Variants in ST8SIA1 observed in about 807,000 individuals in gnomAD.
The protein encoded by ST8SIA1 is alpha-N-acetylneuraminide alpha-2,8-sialyltransferase.
Under a neutral mutation model 35.9 loss-of-function variants are expected in ST8SIA1, and 16 were observed. That is an observed-to-expected ratio of 0.45 (90% confidence interval 0.30 to 0.68). ST8SIA1 has a LOEUF of 0.68. Ranked by LOEUF, ST8SIA1 falls within the 30% of genes least tolerant of loss-of-function variation. The probability of loss-of-function intolerance (pLI) is 0.09; values close to 1 mark genes in which losing one functional copy is unlikely to be tolerated. For synonymous variants in ST8SIA1, 170 were observed against 169.6 expected, an observed-to-expected ratio of 1.00 and a Z score of -0.02; for missense variants, 383 against 453.6, an observed-to-expected ratio of 0.84 and a Z score of 1.41.
intron 1 of ST8SIA1, among the ~76,000 whole-genome samples, chr12:22,308,873 CT>C (rs1399314265): frequency 6.6e-6 from 1 of 152,130 alleles, no homozygotes; most frequent in Non-Finnish European, 1.5e-5. Flanking sequence ...TCTCTCTCCC[CT>C]GATAAAACAG....
At chr12:22,327,467 A>G (rs1866696723) in intron 1 of ST8SIA1, among the ~76,000 whole-genome samples, 5 of 152,190 alleles carry the variant, frequency 3.3e-5, no homozygotes, top group African/African-American at 1.2e-4. Flanking sequence ...ACTCTCAGGA[A>G]GAAGATTGGG....
At chr12:22,301,239 A>G (rs75217682) in intron 1 of ST8SIA1, among the ~76,000 whole-genome samples, 25 of 151,998 alleles carry the variant, frequency 1.6e-4, no homozygotes, top group African/African-American at 5.8e-4. Context: ...GTGTCTGATA[A>G]CTCTGGAGAT....
Position 22,259,437 on chromosome 12 carries a change from A to C in ST8SIA1, c.382-4048T>G, listed in dbSNP as rs188100119. Among the ~76,000 whole-genome samples, 647 of 151,934 alleles carry C rather than the reference A, an allele frequency of 4.3e-3. 5 individuals carry two copies. The highest frequency in any genetic ancestry group is 0.015 in the African/African-American group (626 of 41,422). On this transcript the variant is annotated intron_variant, in intron 2 of 4. Transcript: ENST00000396037. ...CAGCACACCAAAGCTTTACAGACAA[A>C]AAAACTTAATTGAGAAAATACTATG...
chr12:22,260,720 C>A (rs1865779949), intron 2 of ST8SIA1, among the ~76,000 whole-genome samples: 3 of 152,098 alleles, frequency 2.0e-5, no homozygotes, highest in Non-Finnish European at 4.4e-5. Context: ...TCAGTAACCT[C>A]TGAAGTCCCA....
intron 2 of ST8SIA1, among the ~76,000 whole-genome samples, chr12:22,286,918 A>G (rs1015203052): frequency 3.9e-5 from 6 of 152,188 alleles, no homozygotes; most frequent in African/African-American, 7.2e-5. Flanking sequence ...ATAGGACTCA[A>G]ATCAGAAAGG....
intron 4 of ST8SIA1, 34 bp downstream of exon 4, chr12:22,248,972 T>C (rs1865634692): frequency 6.6e-7 from 1 of 1,507,002 alleles, no homozygotes; most frequent in African/African-American, 1.4e-5. Context: ...GACTTCATCT[T>C]CGTTCGTCAC....
At chr12:22,273,178 T>C (rs575118250) in intron 2 of ST8SIA1, among the ~76,000 whole-genome samples, 3 of 152,270 alleles carry the variant, frequency 2.0e-5, no homozygotes, top group Non-Finnish European at 4.4e-5. Context: ...GTTTAAAGCC[T>C]GAAAGCCAAG....
intron 2 of ST8SIA1, 31 bp from the exon 3 acceptor site, chr12:22,255,420 T>C: frequency 1.3e-6 from 2 of 1,565,104 alleles, no homozygotes; most frequent in Non-Finnish European, 1.8e-6. Context: ...GGGTTTTCAC[T>C]GCAAAGAACA....
intron 2 of ST8SIA1, among the ~76,000 whole-genome samples, chr12:22,260,647 A>G (rs1412329770): frequency 1.3e-5 from 2 of 151,996 alleles, no homozygotes; most frequent in African/African-American, 4.8e-5. Flanking sequence ...ATGATAAAAA[A>G]CCATTTGTTC....
chr12:22,333,476 T>C (rs1171542110), intron 1 of ST8SIA1, among the ~76,000 whole-genome samples: 3 of 152,224 alleles, frequency 2.0e-5, no homozygotes, highest in Non-Finnish European at 1.5e-5. Context: ...CGTCAGTCAG[T>C]ACTATGCACT....
intron 2 of ST8SIA1, among the ~76,000 whole-genome samples, chr12:22,256,815 A>T (rs1430445073): frequency 6.6e-6 from 1 of 152,246 alleles, no homozygotes; most frequent in Non-Finnish European, 1.5e-5. Flanking sequence ...AATTTCCTGC[A>T]TTACTACACC....
intron 2 of ST8SIA1, among the ~76,000 whole-genome samples, chr12:22,257,584 G>A (rs1330103820): frequency 6.6e-6 from 1 of 151,716 alleles, no homozygotes; most frequent in South Asian, 2.1e-4. Context: ...GCAAATTCCT[G>A]CAGGAGATGA....
chr12:22,294,054 T>A lies in ST8SIA1; in HGVS notation c.237-6761A>T, dbSNP rs183834112. Among the ~76,000 whole-genome samples the A allele has an allele frequency of 9.3e-4, 142 of 152,190 alleles. 1 individual carries two copies. Among genetic ancestry groups the A allele is most frequent in the African/African-American group, 3.3e-3 (136 of 41,526 alleles). On this transcript the variant is annotated intron_variant, in intron 1 of 4. Transcript: ENST00000396037. ...AAGCAGGTATTTTTTTTTTTAAGGG[T>A]CACTGCTGGCTGATGGCCCAGACAT...
intron 2 of ST8SIA1, among the ~76,000 whole-genome samples, chr12:22,284,758 G>C (rs546942598): frequency 1.3e-5 from 2 of 152,314 alleles, no homozygotes; most frequent in Non-Finnish European, 2.9e-5. Context: ...CTGGCACAAA[G>C]AGGCACAGAA....
chr12:22,202,621 G>A lies in ST8SIA1; in HGVS notation c.585-583C>T, dbSNP rs147333695. Among the ~76,000 whole-genome samples, 6 of 152,298 alleles carry A rather than the reference G, an allele frequency of 3.9e-5. No individual in the cohort carries two copies. In the East Asian group the frequency reaches 1.2e-3, roughly 29 times the overall value. ...GCTCCAAAGAACTCTACTTTCCTAT[G>A]TTCTTTCAGTTTGGATTACATGAAA... On this transcript the variant is annotated intron_variant, in intron 4 of 4. Coordinates refer to ENST00000396037, the MANE Select transcript of ST8SIA1 (RefSeq NM_003034.4).
At chr12:22,220,424 A>G (rs1865284153) in intron 4 of ST8SIA1, among the ~76,000 whole-genome samples, 1 of 152,186 alleles carries the variant, frequency 6.6e-6, no homozygotes, top group Non-Finnish European at 1.5e-5. Context: ...GGAAAACAAT[A>G]ACCACCTAAC....
At chr12:22,236,352 C>T (rs1417263707) in intron 4 of ST8SIA1, among the ~76,000 whole-genome samples, 1 of 152,238 alleles carries the variant, frequency 6.6e-6, no homozygotes, top group African/African-American at 2.4e-5. Flanking sequence ...CTGCCACATT[C>T]CATGCAGAGA....
intron 4 of ST8SIA1, among the ~76,000 whole-genome samples, chr12:22,242,055 T>C (rs1316645971): frequency 6.6e-6 from 1 of 152,208 alleles, no homozygotes; most frequent in Admixed American, 6.5e-5. Flanking sequence ...TTATAATGAT[T>C]CATTGCCCCA....
intron 2 of ST8SIA1, among the ~76,000 whole-genome samples, chr12:22,261,966 A>C (rs910241901): frequency 7.2e-5 from 11 of 152,206 alleles, no homozygotes; most frequent in African/African-American, 2.7e-4. Context: ...AAATAGAAAA[A>C]CAGAATTTAA....
Sources: gnomAD v4.1 joint callset for allele counts (sites outside exome capture counted in the v4.1 genomes callset) on GRCh38, gnomAD v4.1.1 for gene constraint, MANE v1.5 for transcripts, NCBI Gene and HGNC (gene_info 2026-07-23, HGNC 2026-07-21) for gene names.